The following CSMD1 variants were observed in gnomAD, a reference collection of about 807,000 sequenced individuals.
The protein encoded by CSMD1 is CUB and sushi domain-containing protein 1.
In CSMD1, 213 loss-of-function variants were observed where a neutral mutation model predicts 417.5. That is an observed-to-expected ratio of 0.51 (90% CI 0.46 to 0.57). The LOEUF is 0.57. Among genes scored for constraint, CSMD1 ranks in the 20% least tolerant of loss-of-function variants. The probability of loss-of-function intolerance (pLI) is 0.00; values close to 1 mark genes in which losing one functional copy is unlikely to be tolerated. For missense variants in CSMD1, 6,923 were observed against 4,529.7 expected (o/e 1.53, Z -15.17); for synonymous variants, 2,862 against 1,736.8 (o/e 1.65, Z -16.11).
At chr8:4,646,057 C>A (rs938485059) in intron 1 of CSMD1, among the ~76,000 whole-genome samples, 1 of 152,084 alleles carries the variant, frequency 6.6e-6, no homozygotes, top group Non-Finnish European at 1.5e-5. Context: ...GATTTTTTTG[C>A]CTGAAACAGG....
chr8:4,561,304 C>G (rs1035221472), intron 2 of CSMD1, among the ~76,000 whole-genome samples: 1 of 152,090 alleles, frequency 6.6e-6, no homozygotes, highest in African/African-American at 2.4e-5. Flanking sequence ...AACTCAGGAG[C>G]TGGAGGTTGC....
intron 3 of CSMD1, among the ~76,000 whole-genome samples, chr8:4,179,566 A>G (rs1335434508): frequency 1.3e-5 from 2 of 151,150 alleles, no homozygotes; most frequent in African/African-American, 4.9e-5. Flanking sequence ...ACAAAAGACA[A>G]AATTGACAAA....
rs77868595 is a variant in CSMD1, at chr8:3,634,449, T to C, written c.1010-17652A>G. On this transcript the variant is annotated intron_variant, in intron 7 of 69. Transcript: ENST00000635120. ...GGGTCACACGTCATTCCTGGGAGAA[T>C]TAATGCTGTCGGCACAACTCTACTG... Among the ~76,000 whole-genome samples, 756 of 152,290 alleles carry C rather than the reference T, an allele frequency of 5.0e-3. 3 individuals carry two copies. Among genetic ancestry groups the C allele is most frequent in the Non-Finnish European group, 8.3e-3 (565 of 68,028 alleles).
chr8:3,236,322 G>C (rs974413532), intron 26 of CSMD1, among the ~76,000 whole-genome samples: 1 of 151,796 alleles, frequency 6.6e-6, no homozygotes, highest in Non-Finnish European at 1.5e-5. Flanking sequence ...AAACTACTAA[G>C]GCTTACTTAA....
intron 3 of CSMD1, among the ~76,000 whole-genome samples, chr8:4,304,015 A>G (rs1357452019): frequency 6.6e-6 from 1 of 152,160 alleles, no homozygotes; most frequent in Non-Finnish European, 1.5e-5. Flanking sequence ...GGAAGCGTCC[A>G]TAAAAGAACC....
intron 1 of CSMD1, among the ~76,000 whole-genome samples, chr8:4,937,343 A>C (rs1346583924): frequency 2.0e-5 from 3 of 152,230 alleles, no homozygotes; most frequent in Admixed American, 6.5e-5. Flanking sequence ...TTTTTGTAAA[A>C]TAGTGAAAGC....
intron 3 of CSMD1, among the ~76,000 whole-genome samples, chr8:4,184,917 C>A (rs998150213): frequency 6.7e-6 from 1 of 149,874 alleles, no homozygotes; most frequent in Non-Finnish European, 1.5e-5. Context: ...CTGGGTGGAT[C>A]ACCTGAGGTC....
intron 41 of CSMD1, among the ~76,000 whole-genome samples, chr8:3,130,014 T>C (rs923713276): frequency 6.6e-6 from 1 of 152,032 alleles, no homozygotes; most frequent in Non-Finnish European, 1.5e-5. Flanking sequence ...AAATGTTGAA[T>C]ATGGTATTAA....
In CSMD1 at chr8:3,713,795, G is replaced by A. The variant is rs947245730; in HGVS notation, c.932-5304C>T. Among the ~76,000 whole-genome samples, 8 of 152,168 alleles carry A rather than the reference G, an allele frequency of 5.3e-5. No homozygotes were observed. In the South Asian group the frequency reaches 6.2e-4, roughly 12 times the overall value. On this transcript the variant is annotated intron_variant, in intron 6 of 69. Coordinates refer to ENST00000635120, the MANE Select transcript of CSMD1 (RefSeq NM_033225.6). ...CAGAGGAAATTGTTTTGTGTATAGA[G>A]ACCAACTACTTGCAAATTTGAAGAA...
chr8:3,101,724 C>G (rs888914867), intron 46 of CSMD1, among the ~76,000 whole-genome samples: 3 of 151,958 alleles, frequency 2.0e-5, no homozygotes, highest in African/African-American at 7.2e-5. Flanking sequence ...CGCATCCGAC[C>G]AATCCTGACT....
intron 2 of CSMD1, among the ~76,000 whole-genome samples, chr8:4,579,859 G>C (rs1010924845): frequency 3.9e-5 from 6 of 152,180 alleles, no homozygotes; most frequent in Non-Finnish European, 4.4e-5. Flanking sequence ...CATTTCCCAA[G>C]TGTAAAACTT....
chr8:4,028,702 C>G (rs1797189109), intron 4 of CSMD1, among the ~76,000 whole-genome samples: 1 of 152,142 alleles, frequency 6.6e-6, no homozygotes, highest in African/African-American at 2.4e-5. Context: ...AATTAAAACT[C>G]TATTTCTTTA....
chr8:3,404,379 G>A (rs1318128115), intron 15 of CSMD1, among the ~76,000 whole-genome samples: 1 of 151,610 alleles, frequency 6.6e-6, no homozygotes, highest in East Asian at 1.9e-4. Context: ...TTTGAGTAAT[G>A]GTGAGTAACT....
intron 3 of CSMD1, among the ~76,000 whole-genome samples, chr8:4,091,217 C>A (rs1436017129): frequency 2.6e-5 from 4 of 151,802 alleles, no homozygotes; most frequent in African/African-American, 7.3e-5. Context: ...CCACGCCCTG[C>A]CAAAAGCAGT....
chr8:4,949,855 A>G (rs1452490696), intron 1 of CSMD1, among the ~76,000 whole-genome samples: 2 of 152,234 alleles, frequency 1.3e-5, no homozygotes, highest in Admixed American at 1.3e-4. Flanking sequence ...GAGAATATAT[A>G]AGGTTAGTTC....
At chr8:4,449,199 A>C in intron 2 of CSMD1, among the ~76,000 whole-genome samples, 1 of 147,254 alleles carries the variant, frequency 6.8e-6, no homozygotes, top group South Asian at 2.1e-4. Flanking sequence ...TCTACAATAC[A>C]GTTTTACTTC....
At position 4,690,279 on chromosome 8, in the gene CSMD1, G is replaced by A. The variant is rs192695812; in HGVS notation, c.86-52721C>T. Among the ~76,000 whole-genome samples the A allele has an allele frequency of 6.4e-4, 97 of 152,268 alleles. 1 individual carries two copies. In the East Asian group the frequency reaches 0.015, roughly 24 times the overall value. On this transcript the variant is annotated intron_variant, in intron 1 of 69. Coordinates refer to ENST00000635120, the MANE Select transcript of CSMD1 (RefSeq NM_033225.6). ...AATTTCCCTTGCTTTCAATCCTGAA[G>A]AGGACGACCTAACAGTTTAGTGACT... is the stretch of plus-strand genomic sequence containing the variant.
At chr8:3,823,211 G>A (rs987282508) in intron 5 of CSMD1, among the ~76,000 whole-genome samples, 1 of 152,064 alleles carries the variant, frequency 6.6e-6, no homozygotes, top group Non-Finnish European at 1.5e-5. Context: ...ATATTGGTGG[G>A]TTATTAGTTT....
chr8:3,760,285 A>G (rs1275955159), intron 5 of CSMD1, among the ~76,000 whole-genome samples: 3 of 152,176 alleles, frequency 2.0e-5, no homozygotes, highest in Non-Finnish European at 4.4e-5. Flanking sequence ...TCCCCTAAGA[A>G]TACCAAATTA....
Sources: allele counts gnomAD v4.1 joint callset (sites outside exome capture counted in the v4.1 genomes callset), GRCh38; gene constraint gnomAD v4.1.1; transcripts MANE v1.5; gene names NCBI Gene and HGNC (gene_info 2026-07-23, HGNC 2026-07-21).